The following FHIT variants were observed in gnomAD, a reference collection of about 807,000 sequenced individuals.
FHIT encodes bis(5'-adenosyl)-triphosphatase.
In FHIT, 19 loss-of-function variants were observed where a neutral mutation model predicts 17.9. The ratio of observed to expected loss-of-function variants is 1.06; its 90% CI spans 0.74 to 1.56. The LOEUF (loss-of-function observed/expected upper bound fraction) is 1.56, where lower values mean the gene tolerates loss of function less well. FHIT is among the 40% of genes most tolerant of loss of function. The pLI is 0.00. For synonymous variants in FHIT, 81 were observed against 69.7 expected (o/e 1.16, Z -0.81); for missense variants, 248 against 189.2 (o/e 1.31, Z -1.82).
chr3:60,264,346 T>C (rs1244353306), intron 5 of FHIT, among the ~76,000 whole-genome samples: 1 of 151,292 alleles, frequency 6.6e-6, no homozygotes, highest in African/African-American at 2.4e-5. Context: ...CACTCACTGA[T>C]AAAGCCTTCC....
At chr3:60,946,088 T>C (rs1708628123) in intron 3 of FHIT, among the ~76,000 whole-genome samples, 1 of 152,104 alleles carries the variant, frequency 6.6e-6, no homozygotes, top group Non-Finnish European at 1.5e-5. Context: ...AGAAGAACCA[T>C]AGCATCTGAG....
intron 1 of FHIT, among the ~76,000 whole-genome samples, chr3:61,209,898 G>C (rs955495321): frequency 8.5e-5 from 13 of 152,340 alleles, no homozygotes; most frequent in African/African-American, 1.9e-4. Flanking sequence ...CTGATTTTTA[G>C]AGTTTCCAGT....
intron 5 of FHIT, among the ~76,000 whole-genome samples, chr3:60,524,337 T>C (rs1324325317): frequency 1.3e-5 from 2 of 152,156 alleles, no homozygotes; most frequent in Admixed American, 1.3e-4. Flanking sequence ...GAAAGACTAT[T>C]CTGTGACATT....
intron 3 of FHIT, among the ~76,000 whole-genome samples, chr3:60,828,989 G>T (rs1553741753): frequency 6.6e-6 from 1 of 152,168 alleles, no homozygotes; most frequent in African/African-American, 2.4e-5. Flanking sequence ...GGAGAACAAG[G>T]GATGGAATGA....
chr3:60,931,785 G>A (rs532836917), intron 3 of FHIT, among the ~76,000 whole-genome samples: 4 of 152,336 alleles, frequency 2.6e-5, no homozygotes, highest in Middle Eastern at 3.4e-3. Flanking sequence ...ATTTTTTAAA[G>A]AGCATATATA....
chr3:60,007,811 G>A (rs1044566454), intron 7 of FHIT, among the ~76,000 whole-genome samples: 37 of 152,136 alleles, frequency 2.4e-4, no homozygotes, highest in Non-Finnish European at 4.0e-4. Flanking sequence ...TTCTTGGCAT[G>A]TGAGTAGAGG....
intron 5 of FHIT, among the ~76,000 whole-genome samples, chr3:60,332,392 G>C (rs999525842): frequency 6.6e-6 from 1 of 152,180 alleles, no homozygotes; most frequent in Non-Finnish European, 1.5e-5. Context: ...AGACACTAGA[G>C]TATCTACGAT....
At chr3:59,908,416 A>G (rs1370618153) in intron 8 of FHIT, among the ~76,000 whole-genome samples, 1 of 152,238 alleles carries the variant, frequency 6.6e-6, no homozygotes, top group African/African-American at 2.4e-5. Flanking sequence ...GCAAAGGCCA[A>G]AGAGTAAGTG....
At chr3:60,115,409 C>G (rs982847182) in intron 5 of FHIT, among the ~76,000 whole-genome samples, 17 of 152,062 alleles carry the variant, frequency 1.1e-4, no homozygotes, top group African/African-American at 4.1e-4. Flanking sequence ...TGATAAAATA[C>G]TCAACTTCAC....
At chr3:60,111,164 T>C (rs1704653411) in intron 5 of FHIT, among the ~76,000 whole-genome samples, 1 of 152,206 alleles carries the variant, frequency 6.6e-6, no homozygotes, top group South Asian at 2.1e-4. Context: ...CTAAAGAATG[T>C]CACCGCATAT....
intron 4 of FHIT, among the ~76,000 whole-genome samples, chr3:60,685,675 C>T (rs1268054017): frequency 1.3e-5 from 2 of 152,078 alleles, no homozygotes; most frequent in African/African-American, 4.8e-5. Context: ...TCAATCCAAC[C>T]TCTCTTTTTA....
intron 4 of FHIT, among the ~76,000 whole-genome samples, chr3:60,542,510 CT>C (rs2036218264): frequency 6.6e-6 from 1 of 152,072 alleles, no homozygotes; most frequent in Non-Finnish European, 1.5e-5. Flanking sequence ...GCGTCTCTTC[CT>C]TTTACTTCAT....
intron 5 of FHIT, among the ~76,000 whole-genome samples, chr3:60,183,800 T>C (rs1702045161): frequency 6.6e-6 from 1 of 152,174 alleles, no homozygotes; most frequent in African/African-American, 2.4e-5. Context: ...CAGATCCTGA[T>C]GACAGTCAAC....
chr3:60,817,746 A>T (rs2594148), intron 4 of FHIT, among the ~76,000 whole-genome samples: 1 of 151,910 alleles, frequency 6.6e-6, no homozygotes, highest in Non-Finnish European at 1.5e-5. Flanking sequence ...CCCATTTGGG[A>T]TTCACTGCAT....
At chr3:60,402,419 T>TATC (rs1701698767) in intron 5 of FHIT, among the ~76,000 whole-genome samples, 1 of 152,180 alleles carries the variant, frequency 6.6e-6, no homozygotes, top group Non-Finnish European at 1.5e-5. Flanking sequence ...AATTTATTAT[T>TATC]ATCAACTCCA....
chr3:60,191,130 G>A (rs1385874611), intron 5 of FHIT, among the ~76,000 whole-genome samples: 2 of 152,040 alleles, frequency 1.3e-5, no homozygotes, highest in Non-Finnish European at 2.9e-5. Flanking sequence ...AAAAAACAAT[G>A]GTTCCTTTCT....
intron 5 of FHIT, among the ~76,000 whole-genome samples, chr3:60,297,969 A>C (rs2106694573): frequency 6.6e-6 from 1 of 152,206 alleles, no homozygotes; most frequent in African/African-American, 2.4e-5. Flanking sequence ...TTCATGTTCA[A>C]GAAATTTGGT....
chr3:61,105,560 A>T (rs1199414611), intron 2 of FHIT, among the ~76,000 whole-genome samples: 1 of 152,052 alleles, frequency 6.6e-6, no homozygotes. Context: ...TTTAAATTAA[A>T]ATAATAATAA....
At chr3:61,134,673 A>G (rs1482841374) in intron 2 of FHIT, among the ~76,000 whole-genome samples, 1 of 152,158 alleles carries the variant, frequency 6.6e-6, no homozygotes, top group South Asian at 2.1e-4. Flanking sequence ...GCAGGAGTTT[A>G]TGTGAGAGAT....
Sources: gnomAD v4.1 joint callset for allele counts (sites outside exome capture counted in the v4.1 genomes callset) on GRCh38, gnomAD v4.1.1 for gene constraint, MANE v1.5 for transcripts, NCBI Gene and HGNC (gene_info 2026-07-23, HGNC 2026-07-21) for gene names.